KANSL1L: variants seen among roughly 807,000 people sequenced by gnomAD.
KANSL1L encodes KAT8 regulatory NSL complex subunit 1-like protein.
A neutral mutation model predicts 108.6 loss-of-function variants in KANSL1L; 25 were observed. That is an observed-to-expected ratio of 0.23 (90% CI 0.17 to 0.32). The LOEUF is 0.32. Among genes scored for constraint, KANSL1L ranks in the 10% least tolerant of loss-of-function variants. KANSL1L has a pLI of 1.00. For missense variants in KANSL1L, 1,137 were observed against 1,125.7 expected (o/e 1.01, Z -0.14); for synonymous variants, 405 against 395.1 (o/e 1.03, Z -0.30).
intron 3 of KANSL1L, among the ~76,000 whole-genome samples, chr2:210,113,060 G>A (rs1575556001): frequency 6.6e-6 from 1 of 152,228 alleles, no homozygotes; most frequent in East Asian, 1.9e-4. Flanking sequence ...AAATATTAGG[G>A]ATCTGTGTTC....
chr2:210,041,082 A>C (rs1457420209), intron 7 of KANSL1L, among the ~76,000 whole-genome samples: 1 of 152,222 alleles, frequency 6.6e-6, no homozygotes, highest in Non-Finnish European at 1.5e-5. Context: ...ATCACAATGA[A>C]TATACTTTTA....
intron 3 of KANSL1L, among the ~76,000 whole-genome samples, chr2:210,108,680 G>A (rs905762595): frequency 2.0e-5 from 3 of 151,044 alleles, no homozygotes; most frequent in Non-Finnish European, 3.0e-5. Context: ...ATTATGCGGT[G>A]ATCTTGAAAC....
chr2:210,170,462 G>C, intron 1 of KANSL1L: 1 of 849,664 alleles, frequency 1.2e-6, no homozygotes, highest in South Asian at 5.4e-5. Flanking sequence ...TGTGGTTTCT[G>C]AAACGGCCAG....
At chr2:210,114,548 A>T (rs1330181436) in intron 3 of KANSL1L, among the ~76,000 whole-genome samples, 1 of 152,174 alleles carries the variant, frequency 6.6e-6, no homozygotes, top group East Asian at 1.9e-4. Flanking sequence ...AGTTAAATAC[A>T]TGCATAATTA....
rs887415456 is a variant in KANSL1L at position 210,057,221 on chromosome 2, G to T, written c.1756-13117C>A. On this transcript the variant is annotated intron_variant, in intron 6 of 14. Coordinates refer to ENST00000281772, the MANE Select transcript of KANSL1L (RefSeq NM_152519.4). ...ATTCGAGACCAGCCTGGCCAACATG[G>T]TGAAATCCCATCTCTACTAAAAATA... Among the ~76,000 whole-genome samples the T allele has an allele frequency of 3.9e-5, 6 of 152,282 alleles. No individual in the cohort carries two copies. The East Asian group carries it at 1.2e-3, about 29-fold the overall frequency.
chr2:210,022,999 C>T lies in KANSL1L; in HGVS notation c.2914G>A (p.Glu972Lys). 1 of 1,613,870 alleles carries T rather than the reference C, an allele frequency of 6.2e-7. No homozygotes were observed. Among genetic ancestry groups the T allele is most frequent in the Non-Finnish European group, 8.5e-7 (1 of 1,179,878 alleles). Residue 972 changes from glutamate to lysine, a missense_variant, in exon 15 of 15, where the codon GAA becomes AAA. By Grantham distance (56) the Glu-to-Lys change is moderately conservative (BLOSUM62 1). Coordinates refer to ENST00000281772, the MANE Select transcript of KANSL1L (RefSeq NM_152519.4). ...HPKKQSDGME[E>K]YKTFGLGLTN... Reference sequence around the variant, plus strand: ...AGTCCTAGACCAAAGGTTTTGTATTCTTCCATTCCATCTGACTGCTTTTTT... The same window carrying T: ...AGTCCTAGACCAAAGGTTTTGTATTTTTCCATTCCATCTGACTGCTTTTTT...
intron 8 of KANSL1L, among the ~76,000 whole-genome samples, chr2:210,037,329 C>A (rs188137467): frequency 2.0e-5 from 3 of 152,220 alleles, no homozygotes; most frequent in African/African-American, 7.2e-5. Context: ...TGATACTTAT[C>A]ATCATAATGA....
chr2:210,155,101 A>G (rs1173301919), intron 1 of KANSL1L: 1 of 152,168 alleles, frequency 6.6e-6, no homozygotes, highest in Non-Finnish European at 1.5e-5. Context: ...CTAAAATATA[A>G]TAAATAATGT....
intron 6 of KANSL1L, among the ~76,000 whole-genome samples, chr2:210,073,273 A>G (rs2094519799): frequency 6.6e-6 from 1 of 152,234 alleles, no homozygotes; most frequent in African/African-American, 2.4e-5. Context: ...AAATGGTATT[A>G]GAAAACAAAA....
intron 8 of KANSL1L, among the ~76,000 whole-genome samples, chr2:210,034,890 T>A (rs906993651): frequency 6.6e-6 from 1 of 152,150 alleles, no homozygotes; most frequent in South Asian, 2.1e-4. Flanking sequence ...AACAAAAAAT[T>A]TCTGTATACC....
chr2:210,118,809 A>T (rs2094983824), intron 3 of KANSL1L, among the ~76,000 whole-genome samples: 1 of 148,732 alleles, frequency 6.7e-6, no homozygotes. Flanking sequence ...GTGCCACTCC[A>T]CTCCAGGTTG....
At chr2:210,023,820 A>G (rs2093895188) in intron 14 of KANSL1L, among the ~76,000 whole-genome samples, 1 of 152,236 alleles carries the variant, frequency 6.6e-6, no homozygotes, top group East Asian at 1.9e-4. Flanking sequence ...TCTCTAATAG[A>G]TAAATAAGTA....
At chr2:210,055,820 A>G (rs1208243628) in intron 6 of KANSL1L, among the ~76,000 whole-genome samples, 1 of 152,246 alleles carries the variant, frequency 6.6e-6, no homozygotes, top group Non-Finnish European at 1.5e-5. Context: ...AGAGCATAAA[A>G]GTTTGGAAAA....
intron 2 of KANSL1L, among the ~76,000 whole-genome samples, chr2:210,142,005 T>C (rs2095233519): frequency 6.6e-6 from 1 of 151,996 alleles, no homozygotes; most frequent in Non-Finnish European, 1.5e-5. Context: ...TTTTTTTTTT[T>C]TTTTCTTATA....
chr2:210,165,751 G>A (rs1687914980), intron 1 of KANSL1L, among the ~76,000 whole-genome samples: 1 of 152,282 alleles, frequency 6.6e-6, no homozygotes, highest in Admixed American at 6.5e-5. Flanking sequence ...GTGAGTTAAG[G>A]AAAGCATGAG....
intron 6 of KANSL1L, among the ~76,000 whole-genome samples, chr2:210,060,120 G>A (rs1008090778): frequency 2.6e-5 from 4 of 152,024 alleles, no homozygotes; most frequent in African/African-American, 9.7e-5. Flanking sequence ...TCAAAAAAGT[G>A]GCCTGCATTC....
At chr2:210,031,742 T>G (rs1332309999) in intron 8 of KANSL1L, among the ~76,000 whole-genome samples, 196 bp from the exon 9 acceptor site, 1 of 152,170 alleles carries the variant, frequency 6.6e-6, no homozygotes, top group African/African-American at 2.4e-5. Context: ...TCTCCATTTT[T>G]TTGAGGGGGA....
At chr2:210,100,136 A>G (rs1173772256) in intron 4 of KANSL1L, among the ~76,000 whole-genome samples, 2 of 152,110 alleles carry the variant, frequency 1.3e-5, no homozygotes, top group Non-Finnish European at 2.9e-5. Flanking sequence ...CTCCTGTCAG[A>G]CCACCCACAG....
intron 6 of KANSL1L, among the ~76,000 whole-genome samples, chr2:210,069,527 T>C (rs1287285551): frequency 2.0e-5 from 3 of 152,132 alleles, no homozygotes; most frequent in Non-Finnish European, 4.4e-5. Flanking sequence ...ATAAGTTTCC[T>C]AGGACTGCCA....
Sources: allele counts gnomAD v4.1 joint callset (sites outside exome capture counted in the v4.1 genomes callset), GRCh38; gene constraint gnomAD v4.1.1; transcripts MANE v1.5; gene names NCBI Gene and HGNC (gene_info 2026-07-23, HGNC 2026-07-21).